The following EPHA10 variants were observed in gnomAD, a reference collection of about 807,000 sequenced individuals.
The protein encoded by EPHA10 is ephrin type-A receptor 10.
A neutral mutation model predicts 109.7 loss-of-function variants in EPHA10; 120 were observed. That is an observed-to-expected ratio of 1.09 (90% CI 0.94 to 1.27). EPHA10 has a LOEUF of 1.27. Ranked by LOEUF, EPHA10 falls within the 50% of genes most tolerant of loss-of-function variation. EPHA10 has a pLI of 0.00. For synonymous variants in EPHA10, 640 were observed against 618.9 expected (o/e 1.03, Z -0.51); for missense variants, 1,396 against 1,411.1 (o/e 0.99, Z 0.17).
chr1:37,723,519 C>A, intron 8 of EPHA10, 147 bp from the exon 9 acceptor site: 1 of 932,142 alleles, frequency 1.1e-6, no homozygotes, highest in South Asian at 1.8e-5. Context: ...GGTTTAAAAG[C>A]TTCTCTGTGG....
chr1:37,722,048 T>A, intron 10 of EPHA10: 1 of 501,560 alleles, frequency 2.0e-6, no homozygotes, highest in South Asian at 3.0e-5. Context: ...GGAAAATCAC[T>A]TGAACCCAGG....
chr1:37,751,611 C>A (rs545541006), intron 5 of EPHA10, among the ~76,000 whole-genome samples: 1 of 149,458 alleles, frequency 6.7e-6, no homozygotes, highest in East Asian at 2.0e-4. Flanking sequence ...CAGTGGCTCA[C>A]GTCTGTAATC....
At chr1:37,719,689 CAGACACAGACACACACACACACAT>C in intron 14 of EPHA10, 82 bp from the exon 15 acceptor site, 1 of 1,479,566 alleles carries the variant, frequency 6.8e-7, no homozygotes, top group Non-Finnish European at 9.3e-7. Context: ...TGCACACACA[CAGACACAGACACACACACACACAT>C]GCGCACACAC....
At chr1:37,763,322 A>G (rs1646449295) in intron 1 of EPHA10, among the ~76,000 whole-genome samples, 1 of 151,716 alleles carries the variant, frequency 6.6e-6, no homozygotes, top group Non-Finnish European at 1.5e-5. Flanking sequence ...CATCACTTTA[A>G]TCTCTGCCTC....
chr1:37,755,698 T>A (rs2148367831), intron 3 of EPHA10, among the ~76,000 whole-genome samples: 1 of 152,302 alleles, frequency 6.6e-6, no homozygotes, highest in African/African-American at 2.4e-5. Flanking sequence ...GTAAACCACC[T>A]AGCCCAGTAC....
chr1:37,735,535 G>C, intron 5 of EPHA10, 145 bp from the exon 6 acceptor site: 1 of 966,654 alleles, frequency 1.0e-6, no homozygotes, highest in Non-Finnish European at 1.5e-6. Context: ...GGCGGGGCTA[G>C]GGAACTGACT....
chr1:37,748,918 CTTTTTT>C (rs55656984), intron 5 of EPHA10, among the ~76,000 whole-genome samples: 2 of 95,304 alleles, frequency 2.1e-5, no homozygotes, highest in Non-Finnish European at 3.9e-5. Flanking sequence ...TTCTTTTCAT[CTTTTTT>C]TTTTTTTTTT....
Position 37,765,077 on chromosome 1 carries a change from C to A in EPHA10, c.-11G>T. On this transcript the variant is annotated 5_prime_UTR_variant, in exon 1 of 17. Transcript: ENST00000373048. Reference sequence around the variant, plus strand: ...GGCGCAGGTCTCCATGGTCCGCAGACCGAGCTGTCAGTCCGGCGGCGGCTC... The same window carrying A: ...GGCGCAGGTCTCCATGGTCCGCAGAACGAGCTGTCAGTCCGGCGGCGGCTC... The A allele has an allele frequency of 6.3e-7, 1 of 1,583,950 alleles. No homozygotes were observed.
At chr1:37,737,442 GA>G (rs1646087246) in intron 5 of EPHA10, among the ~76,000 whole-genome samples, 1 of 152,168 alleles carries the variant, frequency 6.6e-6, no homozygotes, top group Non-Finnish European at 1.5e-5. Context: ...ACAGAGCCCA[GA>G]AATAACTCCT....
chr1:37,722,990 A>G (rs1474515502), intron 10 of EPHA10, 51 bp downstream of exon 10: 2 of 1,613,286 alleles, frequency 1.2e-6, no homozygotes, highest in Non-Finnish European at 1.7e-6. Context: ...GGGCCTATAG[A>G]GTGGGTGAGG....
chr1:37,731,720 A>C, intron 6 of EPHA10, 138 bp from the exon 7 acceptor site: 3 of 859,882 alleles, frequency 3.5e-6, no homozygotes, highest in Non-Finnish European at 5.1e-6. Context: ...AACCTCAATC[A>C]TCTTGGGGTT....
At chr1:37,719,192 ACC>A in intron 15 of EPHA10, 2 of 607,526 alleles carry the variant, frequency 3.3e-6, no homozygotes, top group Non-Finnish European at 2.9e-6. Flanking sequence ...AGGTCATTGT[ACC>A]CGGGGATGTG....
chr1:37,755,345 C>G (rs982846830), intron 3 of EPHA10, among the ~76,000 whole-genome samples: 1 of 131,006 alleles, frequency 7.6e-6, no homozygotes, highest in Non-Finnish European at 1.7e-5. Flanking sequence ...CACACACACA[C>G]CCTCCCACCA....
chr1:37,732,412 C>G (rs1257541347), intron 6 of EPHA10, among the ~76,000 whole-genome samples: 2 of 152,146 alleles, frequency 1.3e-5, no homozygotes, highest in East Asian at 1.9e-4. Flanking sequence ...CTGCCCACAC[C>G]TTATTAGAGG....
intron 5 of EPHA10, 42 bp downstream of exon 5, chr1:37,752,834 C>A (rs111394621): frequency 8.2e-7 from 1 of 1,218,422 alleles, no homozygotes. Context: ...GCAGGGGCGG[C>A]AGGCGCGGTG....
rs1203388779 is a variant in EPHA10 at position 37,719,927 on chromosome 1, C to G, written c.2544G>C (p.Trp848Cys). The part of the protein sequence containing the change: ...EVMAFGERPY[W>C]DMSGQDVIKA... ...TACTCACGTCTTGGCCAGACATGTC[C>G]CAGTAAGGCCGCTCCCCAAAGGCCA... The change falls in exon 14 of 17, where the codon TGG (tryptophan) becomes TGC (cysteine). Residue 848 changes from tryptophan (W) to cysteine (C), a missense_variant. By Grantham distance (215) the Trp-to-Cys change is radical. Coordinates refer to ENST00000373048, the MANE Select transcript of EPHA10 (RefSeq NM_001099439.2). 1 of 1,614,002 alleles carries G rather than the reference C, an allele frequency of 6.2e-7. No homozygotes were observed. Among genetic ancestry groups the G allele is most frequent in the Non-Finnish European group, 8.5e-7 (1 of 1,180,018 alleles).
intron 5 of EPHA10, among the ~76,000 whole-genome samples, chr1:37,745,607 G>T (rs1375111519): frequency 6.6e-6 from 1 of 152,180 alleles, no homozygotes; most frequent in Non-Finnish European, 1.5e-5. Context: ...TCAGCATTTT[G>T]GGTGGCCAAG....
rs375718756 is a variant in EPHA10 at position 37,735,441 on chromosome 1, G to A, written c.1358-51C>T. On this transcript the variant is annotated intron_variant, in intron 5 of 16. Transcript: ENST00000373048. ...CCACCTTGACCCACCTCACGGCAGG[G>A]CTGGGGGTGCGGGGAAGAGGGTGCG... 1,207 of 1,543,792 alleles carry A rather than the reference G, an allele frequency of 7.8e-4. 1 individual carries two copies. Among genetic ancestry groups the A allele is most frequent in the Non-Finnish European group, 1.0e-3 (1,154 of 1,143,038 alleles).
At position 37,754,849 on chromosome 1, in the gene EPHA10, G is replaced by A. The variant is rs1646380303; in HGVS notation, c.851-479C>T. 6.6e-6 allele frequency among the ~76,000 whole-genome samples: 1 copy of A among 151,840 alleles called. No homozygotes were observed. Among genetic ancestry groups the A allele is most frequent in the African/African-American group, 2.4e-5 (1 of 41,286 alleles). ...GTCTCCTTCTATCACCCAGGCTGGA[G>A]TGCAGTGGCGGGATCTCCACTCACT... On this transcript the variant is annotated intron_variant, in intron 3 of 16. Coordinates refer to ENST00000373048, the MANE Select transcript of EPHA10 (RefSeq NM_001099439.2). This position sits in a 1 kb window ranked among gnomAD's most constrained non-coding sequence, Gnocchi z 4.5.
Sources: allele counts gnomAD v4.1 joint callset (sites outside exome capture counted in the v4.1 genomes callset), GRCh38; gene constraint gnomAD v4.1.1; non-coding constraint Gnocchi (gnomAD v3.1); transcripts MANE v1.5; gene names NCBI Gene and HGNC (gene_info 2026-07-23, HGNC 2026-07-21).